Variants in DCLRE1A observed in about 807,000 individuals in gnomAD.
DCLRE1A encodes DNA cross-link repair 1A protein.
In DCLRE1A, 64 loss-of-function variants were observed where a neutral mutation model predicts 91.9. That is an observed-to-expected ratio of 0.70 (90% CI 0.57 to 0.86). The LOEUF (loss-of-function observed/expected upper bound fraction) is 0.86. DCLRE1A is among the 40% of genes least tolerant of loss of function. The pLI, the probability that DCLRE1A is intolerant of heterozygous loss-of-function variation, is 0.00. For synonymous variants in DCLRE1A, 416 were observed against 431.1 expected (o/e 0.96, Z 0.43); for missense variants, 1,145 against 1,213.3 (o/e 0.94, Z 0.84).
intron 4 of DCLRE1A, 35 bp downstream of exon 4, chr10:113,845,649 TA>T: frequency 6.6e-7 from 1 of 1,513,416 alleles, no homozygotes; most frequent in Non-Finnish European, 9.2e-7. Context: ...TTTGAACATT[TA>T]AAAAATGTGC....
chr10:113,846,128 G>A (rs886801121), intron 3 of DCLRE1A, among the ~76,000 whole-genome samples: 3 of 152,090 alleles, frequency 2.0e-5, no homozygotes, highest in African/African-American at 7.2e-5. Flanking sequence ...ATTATCTCAA[G>A]TGCCTGGAAT....
At chr10:113,841,372 T>C in intron 7 of DCLRE1A, 34 bp downstream of exon 7, 1 of 1,595,974 alleles carries the variant, frequency 6.3e-7, no homozygotes, top group Non-Finnish European at 8.5e-7. Flanking sequence ...ACCTTTTTTG[T>C]TCATCCTAAA....
rs1027112898 is a variant in DCLRE1A, at chr10:113,842,391, G to A, written c.2617C>T (p.Leu873Phe). ...ATAGAGTAAGTGCCACAGACAACAA[G>A]AGCATGTGGGTTTAGAGTTACAGCC... ...FEAVTLNPHA[L>F]VVCGTYSIGK... The change falls in exon 6 of 9, where the codon CTT becomes TTT. Residue 873 changes from leucine to phenylalanine, a missense_variant. Physicochemically the swap from Leu to Phe is conservative, Grantham distance 22. Transcript: ENST00000361384. 6.2e-7 allele frequency: 1 copy of A among 1,613,792 alleles called. No homozygotes were observed. The highest frequency in any genetic ancestry group is 1.3e-5 in the African/African-American group (1 of 74,912).
chr10:113,845,860 A>G, intron 3 of DCLRE1A, 57 bp from the exon 4 acceptor site: 1 of 1,364,046 alleles, frequency 7.3e-7, no homozygotes. Flanking sequence ...ATTTTATTTC[A>G]TATCTAGTTT....
intron 1 of DCLRE1A, among the ~76,000 whole-genome samples, chr10:113,851,569 TA>T (rs897195668): frequency 2.6e-5 from 4 of 152,182 alleles, no homozygotes; most frequent in African/African-American, 9.7e-5. Context: ...TTACATATTT[TA>T]AAAGATAAAA....
chr10:113,847,102 A>G (rs1845550410), intron 3 of DCLRE1A, 100 bp downstream of exon 3: 1 of 1,152,234 alleles, frequency 8.7e-7, no homozygotes, highest in Admixed American at 2.6e-5. Flanking sequence ...TTTTTCTAGT[A>G]GAATGAAAGA....
rs148434481 is a variant in DCLRE1A, at chr10:113,850,567, T to A, written c.538A>T (p.Ser180Cys). Reference sequence around the variant, plus strand: ...CTAAAAGGATGATCACCAGCCCTGCTTTGAGCTAGCAGGAAGTGAGTGTAT... The same window carrying A: ...CTAAAAGGATGATCACCAGCCCTGCATTGAGCTAGCAGGAAGTGAGTGTAT... ...KRYTHFLLAQSRAGDHPFSSP... is the reference protein window; with the variant it reads ...KRYTHFLLAQCRAGDHPFSSP... The change falls in exon 2 of 9, where the codon AGC becomes TGC. Residue 180 changes from serine to cysteine, a missense_variant. Transcript: ENST00000361384. 6.2e-7 allele frequency: 1 copy of A among 1,614,026 alleles called. No individual in the cohort carries two copies. The highest frequency in any genetic ancestry group is 1.3e-5 in the African/African-American group (1 of 74,924).
chr10:113,835,054 GT>G lies in DCLRE1A; in HGVS notation c.*97del. Reference sequence around the variant, plus strand: ...AAAGTATCTGAACAATCTTCATGAGGTTTTTCCACACAAAGTGTATTTCACA... The same window carrying G: ...AAAGTATCTGAACAATCTTCATGAGGTTTTCCACACAAAGTGTATTTCACA... On this transcript the variant is annotated 3_prime_UTR_variant, in exon 9 of 9. Transcript: ENST00000361384. 8.1e-7 allele frequency: 1 copy of G among 1,230,672 alleles called. No individual in the cohort carries two copies. The highest frequency in any genetic ancestry group is 1.1e-6 in the Non-Finnish European group (1 of 881,762). The allele number at this position is 1,230,672 out of a possible 1,614,324, so 76.2% of individuals were successfully genotyped here. A position where few individuals can be genotyped will look rare whatever the true frequency, so the allele number is the denominator to read the frequency against.
intron 4 of DCLRE1A, among the ~76,000 whole-genome samples, chr10:113,844,516 A>G (rs1845499883): frequency 6.6e-6 from 1 of 152,188 alleles, no homozygotes; most frequent in Admixed American, 6.5e-5. Context: ...TAGGAAATGA[A>G]CTCTGAACCC....
chr10:113,852,524 A>G (rs1332464004), intron 1 of DCLRE1A, among the ~76,000 whole-genome samples, 199 bp downstream of exon 1: 3 of 152,240 alleles, frequency 2.0e-5, no homozygotes, highest in Non-Finnish European at 4.4e-5. Flanking sequence ...AACTTTTATG[A>G]AATAACACAA....
At position 113,847,274 on chromosome 10, in the gene DCLRE1A, A is replaced by G. The variant is rs1323668267; in HGVS notation, c.2187T>C (p.Phe729=). The change falls in exon 3 of 9, where the codon TTT becomes TTC. Residue 729 remains phenylalanine (F), a synonymous_variant. Transcript: ENST00000361384. ...AATGATCAGAATGAAAATGTGTGAG[A>G]AAATAGGCTGTGCAACCTTCAACCA... ...YGVVEGCTAY[F]LTHFHSDHYA... is the part of the protein sequence containing the mutation. The G allele has an allele frequency of 1.9e-6, 3 of 1,614,086 alleles. No individual in the cohort carries two copies. Among genetic ancestry groups the G allele is most frequent in the Non-Finnish European group, 2.5e-6 (3 of 1,179,944 alleles).
chr10:113,847,670 A>C (rs1365991991), intron 2 of DCLRE1A, among the ~76,000 whole-genome samples: 5 of 152,188 alleles, frequency 3.3e-5, no homozygotes, highest in African/African-American at 9.7e-5. Context: ...GCAAAAGGAG[A>C]ATGCTAACTT....
chr10:113,847,142 C>A, intron 3 of DCLRE1A, 60 bp downstream of exon 3: 2 of 1,414,870 alleles, frequency 1.4e-6, no homozygotes, highest in South Asian at 1.7e-5. Context: ...ATTTTTTAAC[C>A]AAATTGCTTA....
Position 113,849,237 on chromosome 10 carries a change from G to T in DCLRE1A, c.1868C>A (p.Ser623Tyr), listed in dbSNP as rs1392308207. ...TGACCTCTCACTAGAAAGTTCCACAGAAAGCTGACTCTCATGTAAAGTACT... is the reference window on the plus strand; with the variant it reads ...TGACCTCTCACTAGAAAGTTCCACATAAAGCTGACTCTCATGTAAAGTACT... ...DASTLHESQLSVELSSERSQR... is the reference protein window; with the variant it reads ...DASTLHESQLYVELSSERSQR... The change falls in exon 2 of 9, where the codon TCT becomes TAT. Residue 623 changes from serine (S) to tyrosine (Y), a missense_variant. By Grantham distance (144) the Ser-to-Tyr change is moderately radical. Coordinates refer to ENST00000361384, the MANE Select transcript of DCLRE1A (RefSeq NM_014881.5). 1 of 1,614,102 alleles carries T rather than the reference G, an allele frequency of 6.2e-7. No homozygotes were observed. Among genetic ancestry groups the T allele is most frequent in the Non-Finnish European group, 8.5e-7 (1 of 1,179,992 alleles).
At position 113,844,242 on chromosome 10, in the gene DCLRE1A, C is replaced by G. The variant is rs780011858; in HGVS notation, c.2381G>C (p.Cys794Ser). The G allele has an allele frequency of 6.2e-7, 1 of 1,613,764 alleles. No homozygotes were observed. Among genetic ancestry groups the G allele is most frequent in the South Asian group, 1.1e-5 (1 of 90,994 alleles). ...AAAGAGGATCATGACAGCACCTGGA[C>G]AGCTGAACACAAATGTCAAAGGAAT... is the stretch of plus-strand genomic sequence containing the variant. ...VKVVLLDANH[C>S]PGAVMILFYL... Residue 794 changes from cysteine (C) to serine (S), a missense_variant and splice_region_variant, in exon 5 of 9, where the codon TGT becomes TCT. Physicochemically the swap from Cys to Ser is moderately radical, Grantham distance 112 (BLOSUM62 -1). Transcript: ENST00000361384.
rs981300245 is a variant in DCLRE1A at position 113,849,181 on chromosome 10, T to C, written c.1924A>G (p.Asn642Asp). The change falls in exon 2 of 9, where the codon AAT (asparagine) becomes GAT (aspartate). Residue 642 changes from asparagine to aspartate, a missense_variant. Physicochemically the swap from Asn to Asp is conservative, Grantham distance 23 (BLOSUM62 1). Transcript: ENST00000361384. The stretch of plus-strand genomic sequence containing the variant: ...TGACACGCTCCTTCCTGCAGTGAAT[T>C]TGACTTTCTACATCTCTTTTTTTGA... ...QRQKKRCRKSNSLQEGACQKR... is the reference protein window; with the variant it reads ...QRQKKRCRKSDSLQEGACQKR... The C allele has an allele frequency of 5.0e-6, 8 of 1,614,044 alleles. No individual in the cohort carries two copies. The highest frequency in any genetic ancestry group is 6.8e-6 in the Non-Finnish European group (8 of 1,179,948).
In DCLRE1A at chr10:113,850,423, G is replaced by C; in HGVS notation, c.682C>G (p.Pro228Ala). Residue 228 changes from proline to alanine, a missense_variant, in exon 2 of 9, where the codon CCC (proline) becomes GCC (alanine). Physicochemically the swap from Pro to Ala is conservative, Grantham distance 27. Coordinates refer to ENST00000361384, the MANE Select transcript of DCLRE1A (RefSeq NM_014881.5). ...TTAAAATACTGTGTCATCAATAAGG[G>C]ATCATTTGAAACCGAGTTATCAGTT... ...NQTDNSVSND[P>A]LLMTQYFKKS... 3 of 1,614,158 alleles carry C rather than the reference G, an allele frequency of 1.9e-6. No homozygotes were observed. Among genetic ancestry groups the C allele is most frequent in the Non-Finnish European group, 2.5e-6 (3 of 1,180,022 alleles).
intron 5 of DCLRE1A, among the ~76,000 whole-genome samples, chr10:113,843,272 T>G (rs17235192): frequency 0.017 from 2,642 of 152,066 alleles, 68 homozygotes; most frequent in African/African-American, 0.058. Flanking sequence ...TAGAGAAGAG[T>G]AAGAATAACC....
intron 5 of DCLRE1A, 84 bp from the exon 6 acceptor site, chr10:113,842,572 G>A (rs1241955808): frequency 1.6e-5 from 21 of 1,327,608 alleles, no homozygotes; most frequent in Middle Eastern, 1.9e-4. Context: ...GAAAACAAGC[G>A]TTAGCAACTT....
Sources: gnomAD v4.1 joint callset for allele counts (sites outside exome capture counted in the v4.1 genomes callset) on GRCh38, gnomAD v4.1.1 for gene constraint, MANE v1.5 for transcripts, NCBI Gene and HGNC (gene_info 2026-07-23, HGNC 2026-07-21) for gene names.